The following TGFBR3 variants were observed in gnomAD, a reference collection of about 807,000 sequenced individuals.
The protein encoded by TGFBR3 is transforming growth factor beta receptor 3.
TGFBR3 carries 46 observed loss-of-function variants against 87.9 expected under a neutral mutation model. The observed-to-expected ratio is 0.52, with a 90% CI of 0.41 to 0.67. TGFBR3 has a LOEUF of 0.67. Among genes scored for constraint, TGFBR3 ranks in the 30% least tolerant of loss-of-function variants. The probability of loss-of-function intolerance (pLI) is 0.00; values close to 1 mark genes in which losing one functional copy is unlikely to be tolerated. For synonymous variants in TGFBR3, 381 were observed against 391.6 expected, an observed-to-expected ratio of 0.97 and a Z score of 0.32; for missense variants, 866 against 1,041.9, an observed-to-expected ratio of 0.83 and a Z score of 2.32.
intron 2 of TGFBR3, among the ~76,000 whole-genome samples, chr1:91,811,808 T>C (rs1259669610): frequency 1.3e-5 from 2 of 151,970 alleles, no homozygotes; most frequent in East Asian, 3.9e-4. Context: ...CATAGTAACA[T>C]ACTGTAAAAC....
intron 3 of TGFBR3, among the ~76,000 whole-genome samples, chr1:91,768,865 C>T (rs1674277891): frequency 6.6e-6 from 1 of 152,106 alleles, no homozygotes; most frequent in African/African-American, 2.4e-5. Flanking sequence ...ATACATGAAT[C>T]AACACACACA....
In TGFBR3 at chr1:91,886,010, G is replaced by A; in HGVS notation, c.-246C>T. The A allele has an allele frequency of 2.2e-6, 1 of 453,602 alleles. No individual in the cohort carries two copies. Among genetic ancestry groups the A allele is most frequent in the Non-Finnish European group, 4.4e-6 (1 of 226,506 alleles). 28.1% of individuals were successfully genotyped at this position (453,602 alleles called of 1,614,324 possible). A position where few individuals can be genotyped will look rare whatever the true frequency, so the allele number is the denominator to read the frequency against. On this transcript the variant is annotated 5_prime_UTR_variant, in exon 1 of 17. Transcript: ENST00000212355. ...CGCCGCGGCAAAACTACGCCATCCG[G>A]ACCCGCTGGGGACTCTCACCTCCTG...
intron 2 of TGFBR3, among the ~76,000 whole-genome samples, chr1:91,849,346 C>G (rs1043833054): frequency 6.6e-6 from 1 of 152,164 alleles, no homozygotes; most frequent in Admixed American, 6.5e-5. Context: ...TCAGTTAACT[C>G]TCTGACTTCC....
intron 3 of TGFBR3, among the ~76,000 whole-genome samples, chr1:91,766,103 C>T (rs2100918354): frequency 6.6e-6 from 1 of 152,200 alleles, no homozygotes; most frequent in South Asian, 2.1e-4. Flanking sequence ...TCAGAGCTCA[C>T]CGTAACCTTC....
rs906768646 is a variant in TGFBR3, at chr1:91,797,200, C to G, written c.246+87G>C. The G allele has an allele frequency of 1.9e-4, 271 of 1,414,812 alleles. 5 individuals carry two copies. The South Asian group carries it at 2.7e-3, about 14-fold the overall frequency. The allele number at this position is 1,414,812 out of a possible 1,614,324, so 87.6% of individuals were successfully genotyped here. A position where few individuals can be genotyped will look rare whatever the true frequency, so the allele number is the denominator to read the frequency against. The stretch of plus-strand genomic sequence containing the variant: ...CATACATGAGCTTCTTTTGTTGAAC[C>G]CCAGAAGAGAAGAAAAGGACTTCTG... On this transcript the variant is annotated intron_variant, in intron 3 of 16. Transcript: ENST00000212355.
chr1:91,822,314 AAAAAAAAAAG>A, intron 2 of TGFBR3, among the ~76,000 whole-genome samples: 1 of 151,672 alleles, frequency 6.6e-6, no homozygotes, highest in Non-Finnish European at 1.5e-5. Flanking sequence ...AAAAAAAAAA[AAAAAAAAAAG>A]ATGAATCTTA....
At chr1:91,723,091 A>ACTTGTATTC (rs1218364599) in intron 7 of TGFBR3, among the ~76,000 whole-genome samples, 1 of 152,238 alleles carries the variant, frequency 6.6e-6, no homozygotes, top group African/African-American at 2.4e-5. Context: ...CTAACTGAAT[A>ACTTGTATTC]TACTTGTATC....
chr1:91,726,764 G>A (rs1032444409), intron 7 of TGFBR3, among the ~76,000 whole-genome samples: 9 of 117,142 alleles, frequency 7.7e-5, no homozygotes, highest in Admixed American at 3.4e-4. Context: ...AGCTTACTCA[G>A]TGCAGGAACT....
chr1:91,719,537 A>T (rs1557674949), intron 9 of TGFBR3, 73 bp from the exon 10 acceptor site: 1 of 1,589,648 alleles, frequency 6.3e-7, no homozygotes, highest in Non-Finnish European at 8.6e-7. Flanking sequence ...CACAATTGAC[A>T]ATTGCCTGGT....
intron 3 of TGFBR3, among the ~76,000 whole-genome samples, chr1:91,758,976 A>G (rs1258812769): frequency 6.6e-6 from 1 of 152,216 alleles, no homozygotes; most frequent in Non-Finnish European, 1.5e-5. Flanking sequence ...CAACCACACT[A>G]ATCTCAACCA....
intron 14 of TGFBR3, 63 bp downstream of exon 14, chr1:91,708,600 A>G (rs1671879250): frequency 6.2e-7 from 1 of 1,611,288 alleles, no homozygotes; most frequent in South Asian, 1.1e-5. Flanking sequence ...GATTTACACT[A>G]TTGGGTCTTC....
chr1:91,717,007 G>A (rs1557673297), intron 10 of TGFBR3, among the ~76,000 whole-genome samples: 1 of 152,152 alleles, frequency 6.6e-6, no homozygotes, highest in African/African-American at 2.4e-5. Flanking sequence ...TTCAAATGGT[G>A]GGAAAACACT....
At chr1:91,690,129 C>T (rs1025300987) in intron 16 of TGFBR3, among the ~76,000 whole-genome samples, 1 of 152,070 alleles carries the variant, frequency 6.6e-6, no homozygotes. Flanking sequence ...TTTATGTCGC[C>T]GAACCCTTAA....
intron 4 of TGFBR3, among the ~76,000 whole-genome samples, chr1:91,735,484 T>G (rs1672936047): frequency 6.6e-6 from 1 of 152,226 alleles, no homozygotes; most frequent in South Asian, 2.1e-4. Flanking sequence ...ACCTCAGCAC[T>G]GAGATAAAAA....
chr1:91,869,309 G>A (rs532437991), intron 1 of TGFBR3, among the ~76,000 whole-genome samples: 12 of 152,220 alleles, frequency 7.9e-5, no homozygotes, highest in South Asian at 4.1e-4. Context: ...GGCTGACAGC[G>A]GGCATCTAAT....
chr1:91,863,485 A>G (rs192167190), intron 1 of TGFBR3, among the ~76,000 whole-genome samples: 9 of 152,370 alleles, frequency 5.9e-5, no homozygotes, highest in African/African-American at 2.2e-4. Context: ...CACAATGCTT[A>G]GAACAGTCCC....
Position 91,720,140 on chromosome 1 carries a change from G to T in TGFBR3, c.1166C>A (p.Pro389Gln). Residue 389 changes from proline to glutamine, a missense_variant, in exon 9 of 17, where the codon CCG becomes CAG. Physicochemically the swap from Pro to Gln is moderately conservative, Grantham distance 76. Transcript: ENST00000212355. ...TTGGCCTTCCCCTCCCCGGATGGGCGGGTTCTGCAGGGCAGGCAGGGCACC... is the reference window on the plus strand; with the variant it reads ...TTGGCCTTCCCCTCCCCGGATGGGCTGGTTCTGCAGGGCAGGCAGGGCACC... ...DPGALPALQN[P>Q]PIRGGEGQNG... is the part of the protein sequence containing the mutation. The T allele has an allele frequency of 6.2e-7, 1 of 1,613,924 alleles. No homozygotes were observed. The highest frequency in any genetic ancestry group is 8.5e-7 in the Non-Finnish European group (1 of 1,179,978).
At chr1:91,854,742 G>A (rs1022500797) in intron 2 of TGFBR3, among the ~76,000 whole-genome samples, 3 of 152,098 alleles carry the variant, frequency 2.0e-5, no homozygotes. Flanking sequence ...GTCAAGAGGT[G>A]CTAAGGGTGC....
intron 2 of TGFBR3, among the ~76,000 whole-genome samples, chr1:91,818,402 A>G (rs1368379862): frequency 6.9e-6 from 1 of 143,950 alleles, no homozygotes; most frequent in Non-Finnish European, 1.5e-5. Context: ...ATTGTTTTCT[A>G]TTTTCATTCC....
Sources: gnomAD v4.1 joint callset for allele counts (sites outside exome capture counted in the v4.1 genomes callset) on GRCh38, gnomAD v4.1.1 for gene constraint, MANE v1.5 for transcripts, NCBI Gene and HGNC (gene_info 2026-07-23, HGNC 2026-07-21) for gene names.